USP45: variants seen among roughly 807,000 people sequenced by gnomAD.
USP45 encodes the protein ubiquitin specific peptidase 45.
In USP45, 89 loss-of-function variants were observed where a neutral mutation model predicts 95.8. That is an observed-to-expected ratio of 0.93 (90% CI 0.78 to 1.11). The LOEUF (loss-of-function observed/expected upper bound fraction) is 1.11, where lower values mean the gene tolerates loss of function less well. USP45 is among the 50% of genes least tolerant of loss of function. The pLI, the probability that USP45 is intolerant of heterozygous loss-of-function variation, is 0.00. For missense variants in USP45, 898 were observed against 942.5 expected (o/e 0.95, Z 0.62); for synonymous variants, 281 against 316.2 (o/e 0.89, Z 1.18).
intron 13 of USP45, chr6:99,462,413 A>G (rs2128618318): frequency 1.0e-6 from 1 of 983,946 alleles, no homozygotes; most frequent in Non-Finnish European, 1.2e-6. Context: ...GAATCTCCTA[A>G]CTCTTTAAAC....
chr6:99,461,095 G>A (rs763839321), intron 13 of USP45: 38 of 984,520 alleles, frequency 3.9e-5, no homozygotes, highest in Non-Finnish European at 4.5e-5. Context: ...AAGTATTAAG[G>A]TTTTATGAAA....
intron 5 of USP45, among the ~76,000 whole-genome samples, chr6:99,500,282 G>T (rs1797107366): frequency 6.6e-6 from 1 of 152,034 alleles, no homozygotes; most frequent in African/African-American, 2.4e-5. Flanking sequence ...GTGCCACTAT[G>T]CTCAGCTAAT....
At chr6:99,466,596 A>T in intron 11 of USP45, 76 bp downstream of exon 11, 1 of 1,246,642 alleles carries the variant, frequency 8.0e-7, no homozygotes. Context: ...GCCAATGATT[A>T]TATGTGAAAG....
intron 8 of USP45, among the ~76,000 whole-genome samples, chr6:99,477,424 C>T (rs570042571): frequency 3.0e-4 from 46 of 152,274 alleles, no homozygotes; most frequent in Non-Finnish European, 5.9e-4. Context: ...CTGCCTCAGC[C>T]TCCTGAGTGG....
intron 5 of USP45, among the ~76,000 whole-genome samples, chr6:99,490,089 G>A (rs1794830632): frequency 6.6e-6 from 1 of 152,188 alleles, no homozygotes; most frequent in African/African-American, 2.4e-5. Flanking sequence ...ATAATTTGAA[G>A]TTTGATAAGA....
Position 99,446,452 on chromosome 6 carries a change from A to T in USP45, c.1320T>A (p.Ile440=). The T allele has an allele frequency of 6.2e-7, 1 of 1,611,802 alleles. No individual in the cohort carries two copies. Among genetic ancestry groups the T allele is most frequent in the South Asian group, 1.1e-5 (1 of 90,804 alleles). Residue 440 remains isoleucine, a synonymous_variant, in exon 14 of 18, where the codon ATT becomes ATA. Transcript: ENST00000500704. ...HSSSKDKSQL[I]HDRKCIRKLS... Reference sequence around the variant, plus strand: ...ATTTTCTAATACATTTTCGGTCATGAATTAGTTGACTCTGTAAGTTGACAG... The same window carrying T: ...ATTTTCTAATACATTTTCGGTCATGTATTAGTTGACTCTGTAAGTTGACAG...
chr6:99,517,398 A>G (rs985463774), upstream of USP45, among the ~76,000 whole-genome samples: 1 of 151,910 alleles, frequency 6.6e-6, no homozygotes, highest in African/African-American at 2.4e-5. Flanking sequence ...TAGGCTATAT[A>G]TATTCCTCTT....
intron 5 of USP45, among the ~76,000 whole-genome samples, chr6:99,498,129 T>C (rs1052430876): frequency 1.3e-5 from 2 of 152,198 alleles, no homozygotes; most frequent in African/African-American, 2.4e-5. Context: ...AGATCAGTAA[T>C]GACAGGAACT....
At chr6:99,440,214 T>C (rs1781263581) in intron 15 of USP45, among the ~76,000 whole-genome samples, 1 of 152,208 alleles carries the variant, frequency 6.6e-6, no homozygotes. Flanking sequence ...GTTCTAGGCC[T>C]AACTCAGTGA....
At chr6:99,466,373 G>T (rs1787974195) in intron 11 of USP45, among the ~76,000 whole-genome samples, 1 of 152,118 alleles carries the variant, frequency 6.6e-6, no homozygotes. Context: ...CTTCACAGAA[G>T]TTTTTCTCTC....
At position 99,446,084 on chromosome 6, in the gene USP45, C is replaced by G. The variant is rs144628619; in HGVS notation, c.1688G>C (p.Arg563Pro). The G allele has an allele frequency of 6.2e-7, 1 of 1,613,892 alleles. No homozygotes were observed. The highest frequency in any genetic ancestry group is 1.3e-5 in the African/African-American group (1 of 74,912). The change falls in exon 14 of 18, where the codon CGT becomes CCT. Residue 563 changes from arginine (R) to proline (P), a missense_variant. By Grantham distance (103) the Arg-to-Pro change is moderately radical. Coordinates refer to ENST00000500704, the MANE Select transcript of USP45 (RefSeq NM_001346022.3). ...ATCTCCAGTTACAGTGCTGCTCAAA[C>G]GAAGTTCAGAAATAGCTTCTGCCAT... ...KEMAEAISEL[R>P]LSSTVTGDQD... is the part of the protein sequence containing the mutation.
In USP45 at chr6:99,488,687, G is replaced by T; in HGVS notation, c.612C>A (p.Val204=). 2 of 1,598,716 alleles carry T rather than the reference G, an allele frequency of 1.3e-6. No individual in the cohort carries two copies. Among genetic ancestry groups the T allele is most frequent in the South Asian group, 2.3e-5 (2 of 87,816 alleles). ...NLGNTCFFNA[V]MQNLAQTYTL... ...GCTTTCTGATGACTCTTACCTGCAT[G>T]ACTGCATTAAAAAAGCAAGTATTTC... The change falls in exon 6 of 18, where the codon GTC becomes GTA. Residue 204 remains valine, a synonymous_variant. Coordinates refer to ENST00000500704, the MANE Select transcript of USP45 (RefSeq NM_001346022.3).
intron 16 of USP45, 57 bp from the exon 17 acceptor site, chr6:99,437,456 G>GA: frequency 6.8e-7 from 1 of 1,476,878 alleles, no homozygotes; most frequent in Non-Finnish European, 9.1e-7. Flanking sequence ...CTGTTTTAAG[G>GA]AAAAGTAAGT....
chr6:99,466,455 GGAAAAATAACA>G (rs1377529022), intron 11 of USP45, among the ~76,000 whole-genome samples: 1 of 151,946 alleles, frequency 6.6e-6, no homozygotes, highest in Non-Finnish European at 1.5e-5. Context: ...TGTGTCATGA[GGAAAAATAACA>G]CAAAAATACA....
intron 1 of USP45, among the ~76,000 whole-genome samples, chr6:99,511,918 G>C (rs1799982626): frequency 6.9e-6 from 1 of 145,878 alleles, no homozygotes; most frequent in Non-Finnish European, 1.5e-5. Context: ...AAGTTGTAGA[G>C]ATCTTGACAG....
chr6:99,446,826 C>T (rs1782649276), intron 13 of USP45, among the ~76,000 whole-genome samples: 1 of 152,182 alleles, frequency 6.6e-6, no homozygotes, highest in Admixed American at 6.5e-5. Flanking sequence ...TCACCGCAGC[C>T]TCAAACTCTC....
At chr6:99,516,824 T>C (rs1423477459), upstream of USP45, among the ~76,000 whole-genome samples, 1 of 152,334 alleles carries the variant, frequency 6.6e-6, no homozygotes, top group East Asian at 1.9e-4. Flanking sequence ...ATAATTTGCA[T>C]CTTAATTGTG....
At chr6:99,454,382 T>C (rs1784541902) in intron 13 of USP45, among the ~76,000 whole-genome samples, 1 of 151,946 alleles carries the variant, frequency 6.6e-6, no homozygotes, top group Admixed American at 6.6e-5. Context: ...GGAGAAACAC[T>C]CAGGACATTA....
intron 9 of USP45, among the ~76,000 whole-genome samples, chr6:99,472,569 C>T (rs1246508058): frequency 1.3e-5 from 2 of 151,940 alleles, no homozygotes; most frequent in South Asian, 2.1e-4. Context: ...ACATAGTAAA[C>T]GTATTCCTGC....
Sources: gnomAD v4.1 joint callset for allele counts (sites outside exome capture counted in the v4.1 genomes callset) on GRCh38, gnomAD v4.1.1 for gene constraint, MANE v1.5 for transcripts, NCBI Gene and HGNC (gene_info 2026-07-23, HGNC 2026-07-21) for gene names.